DNAH6: variants seen among roughly 807,000 people sequenced by gnomAD.
DNAH6 encodes dynein axonemal heavy chain 6.
Under a neutral mutation model 491.4 loss-of-function variants are expected in DNAH6, and 340 were observed. That is an observed-to-expected ratio of 0.69 (90% CI 0.63 to 0.76). The LOEUF (loss-of-function observed/expected upper bound fraction) is 0.76. Among genes scored for constraint, DNAH6 ranks in the 30% least tolerant of loss-of-function variants. DNAH6 has a pLI of 0.00. For missense variants in DNAH6, 4,443 were observed against 4,972.2 expected, an observed-to-expected ratio of 0.89 and a Z score of 3.20; for synonymous variants, 1,603 against 1,686.1, an observed-to-expected ratio of 0.95 and a Z score of 1.21.
At chr2:84,768,225 T>G (rs1386529594) in intron 64 of DNAH6, among the ~76,000 whole-genome samples, 1 of 151,850 alleles carries the variant, frequency 6.6e-6, no homozygotes, top group Non-Finnish European at 1.5e-5. Context: ...CTACTAGAAT[T>G]TAAAAAATAA....
the DNAH6 span, among the ~76,000 whole-genome samples, chr2:84,497,001 C>T: frequency 1.4e-5 from 2 of 143,054 alleles, no homozygotes; most frequent in Non-Finnish European, 3.0e-5. Flanking sequence ...GACGGAATCT[C>T]GCTCTGTCAC....
Position 84,583,997 on chromosome 2 carries a change from A to G in DNAH6, c.2230-2A>G. On this transcript the variant is annotated splice_acceptor_variant, in intron 14 of 76. Coordinates refer to ENST00000389394, the MANE Select transcript of DNAH6 (RefSeq NM_001370.2). LOFTEE classifies it high-confidence loss of function. ...TAATGAGCAAACTATGTTTCCATTTAGATTGAAAGCCTTGAAGATGAGGGG... is the reference window on the plus strand; with the variant it reads ...TAATGAGCAAACTATGTTTCCATTTGGATTGAAAGCCTTGAAGATGAGGGG... 6.2e-7 allele frequency: 1 copy of G among 1,612,048 alleles called. No homozygotes were observed. Among genetic ancestry groups the G allele is most frequent in the Non-Finnish European group, 8.5e-7 (1 of 1,178,838 alleles).
the DNAH6 span, among the ~76,000 whole-genome samples, chr2:84,482,373 T>C: frequency 6.6e-6 from 1 of 152,240 alleles, no homozygotes; most frequent in Non-Finnish European, 1.5e-5. Flanking sequence ...AGCTGACGTT[T>C]AAGTCATGCT....
chr2:84,608,935 C>G (rs1686042094), intron 21 of DNAH6, among the ~76,000 whole-genome samples: 1 of 152,204 alleles, frequency 6.6e-6, no homozygotes, highest in African/African-American at 2.4e-5. Context: ...ATGATCTTAG[C>G]TAAATCATCT....
chr2:84,625,379 G>A (rs1396627987), intron 29 of DNAH6, among the ~76,000 whole-genome samples: 1 of 152,262 alleles, frequency 6.6e-6, no homozygotes, highest in African/African-American at 2.4e-5. Flanking sequence ...CGAAGAACAA[G>A]GACTAAGCTT....
intron 2 of DNAH6, among the ~76,000 whole-genome samples, chr2:84,522,164 T>G (rs1333516685): frequency 1.3e-5 from 2 of 152,138 alleles, no homozygotes; most frequent in African/African-American, 2.4e-5. Flanking sequence ...CAGTGCTTTG[T>G]AATTTTCATT....
At chr2:84,615,411 G>C (rs763095944) in intron 22 of DNAH6, among the ~76,000 whole-genome samples, 5 of 152,056 alleles carry the variant, frequency 3.3e-5, no homozygotes, top group Admixed American at 6.6e-5. Flanking sequence ...TTTTATACCA[G>C]TACCATGCTG....
chr2:84,496,418 T>C, the DNAH6 span, among the ~76,000 whole-genome samples: 2 of 152,232 alleles, frequency 1.3e-5, no homozygotes, highest in African/African-American at 2.4e-5. Context: ...TATTCTGGGC[T>C]TACAAAAATA....
In DNAH6 at chr2:84,517,852, A is replaced by G; in HGVS notation, c.26A>G (p.Glu9Gly). MTFRATDS[E>G]FDLTNIEEYA... ...ATGACTTTTCGGGCCACAGATAGTG[A>G]ATTTGACCTGACAAATATTGAAGAG... is the stretch of plus-strand genomic sequence containing the variant. Residue 9 changes from glutamate to glycine, a missense_variant, in exon 2 of 77, where the codon GAA becomes GGA. By Grantham distance (98) the Glu-to-Gly change is moderately conservative (BLOSUM62 -2). Coordinates refer to ENST00000389394, the MANE Select transcript of DNAH6 (RefSeq NM_001370.2). 1 of 1,551,662 alleles carries G rather than the reference A, an allele frequency of 6.4e-7. No homozygotes were observed. The highest frequency in any genetic ancestry group is 8.7e-7 in the Non-Finnish European group (1 of 1,146,998).
At chr2:84,674,261 G>A (rs62164310) in intron 40 of DNAH6, among the ~76,000 whole-genome samples, 14,063 of 152,172 alleles carry the variant, frequency 0.092, 868 homozygotes, top group Middle Eastern at 0.16. Context: ...TCACACTACT[G>A]GCAAGTGGCA....
At position 84,785,701 on chromosome 2, in the gene DNAH6, G is replaced by GA; in HGVS notation, c.11052dup (p.Trp3685MetfsTer31). On this transcript the variant is annotated frameshift_variant, in exon 67 of 77. Transcript: ENST00000389394. LOFTEE classifies it high-confidence loss of function. ...TCGTTTTTTGAAGAAAATATACTTGGAAAAAAATGGAGACAAATAATATTT... is the reference window on the plus strand; with the variant it reads ...TCGTTTTTTGAAGAAAATATACTTGGAAAAAAAATGGAGACAAATAATATTT... The GA allele has an allele frequency of 1.3e-6, 2 of 1,545,628 alleles. No homozygotes were observed. The highest frequency in any genetic ancestry group is 1.7e-6 in the Non-Finnish European group (2 of 1,144,890).
intron 19 of DNAH6, 107 bp from the exon 20 acceptor site, chr2:84,605,393 G>T (rs961241617): frequency 1.2e-5 from 9 of 777,756 alleles, no homozygotes; most frequent in Non-Finnish European, 1.8e-5. Flanking sequence ...GCAATAAGGA[G>T]GAAAATGGGA....
In DNAH6 at chr2:84,548,302, C is replaced by A; in HGVS notation, c.1201C>A (p.Gln401Lys). The change falls in exon 8 of 77, where the codon CAG (glutamine) becomes AAG (lysine). Residue 401 changes from glutamine to lysine, a missense_variant. Around this residue, in one of 3 missense-constraint regions of DNAH6, gnomAD observed 2,977 missense variants for 3,296.6 expected, o/e 0.90. Coordinates refer to ENST00000389394, the MANE Select transcript of DNAH6 (RefSeq NM_001370.2). ...FGPFEDYHKV[Q>K]SSGSFINTPH... Reference sequence around the variant, plus strand: ...GTTATTCTTAGATTATCATAAAGTGCAGAGCAGTGGAAGTTTCATTAATAC... The same window carrying A: ...GTTATTCTTAGATTATCATAAAGTGAAGAGCAGTGGAAGTTTCATTAATAC... 6.2e-7 allele frequency: 1 copy of A among 1,613,142 alleles called. No individual in the cohort carries two copies. The highest frequency in any genetic ancestry group is 8.5e-7 in the Non-Finnish European group (1 of 1,179,646).
At chr2:84,461,968 G>T in the DNAH6 span, among the ~76,000 whole-genome samples, 12 of 152,228 alleles carry the variant, frequency 7.9e-5, 1 homozygote, top group East Asian at 2.3e-3. Context: ...ACTGTATGAG[G>T]GTGTGAAAGG....
chr2:84,807,252 G>A (rs1452519469), intron 71 of DNAH6, among the ~76,000 whole-genome samples: 2 of 152,100 alleles, frequency 1.3e-5, no homozygotes, highest in Non-Finnish European at 2.9e-5. Flanking sequence ...CACTGCTGTG[G>A]GATTTTTGTC....
chr2:84,461,804 T>C, the DNAH6 span, among the ~76,000 whole-genome samples: 1 of 152,184 alleles, frequency 6.6e-6, no homozygotes, highest in East Asian at 1.9e-4. Context: ...TCTAAAGCTC[T>C]AAAGCTGAAG....
At chr2:84,679,869 A>G (rs1693615958) in intron 41 of DNAH6, among the ~76,000 whole-genome samples, 1 of 152,248 alleles carries the variant, frequency 6.6e-6, no homozygotes, top group Admixed American at 6.5e-5. Flanking sequence ...ATATCTAGAT[A>G]TAGACACACA....
chr2:84,492,997 G>A, the DNAH6 span, among the ~76,000 whole-genome samples: 1 of 151,810 alleles, frequency 6.6e-6, no homozygotes, highest in South Asian at 2.1e-4. Context: ...TATATATACT[G>A]TATATTCTAT....
chr2:84,635,085 C>T (rs973827217), intron 30 of DNAH6, among the ~76,000 whole-genome samples: 4 of 152,108 alleles, frequency 2.6e-5, no homozygotes, highest in East Asian at 1.9e-4. Flanking sequence ...GACGTCCTCT[C>T]GATTCAACAA....
Sources: allele counts gnomAD v4.1 joint callset (sites outside exome capture counted in the v4.1 genomes callset), GRCh38; gene constraint gnomAD v4.1.1; regional missense constraint gnomAD v4.1.1; transcripts MANE v1.5; gene names NCBI Gene and HGNC (gene_info 2026-07-23, HGNC 2026-07-21).